Variants in ATP6V0B observed in about 807,000 individuals in gnomAD.
ATP6V0B encodes the protein ATPase H+ transporting V0 subunit b, also known as V-type proton ATPase 21 kDa proteolipid subunit c''.
A neutral mutation model predicts 26.2 loss-of-function variants in ATP6V0B; 4 were observed. The observed-to-expected ratio is 0.15, with a 90% CI of 0.08 to 0.35. The LOEUF (loss-of-function observed/expected upper bound fraction) is 0.35. ATP6V0B is among the 10% of genes least tolerant of loss of function. The pLI is 1.00. For synonymous variants in ATP6V0B, 110 were observed against 105.8 expected (o/e 1.04, Z -0.24); for missense variants, 175 against 272.5 (o/e 0.64, Z 2.52).
In ATP6V0B at chr1:43,977,120, C is replaced by A. The variant is rs753521853; in HGVS notation, c.495C>A (p.Ala165=). 2.5e-6 allele frequency: 4 copies of A among 1,614,206 alleles called. No individual in the cohort carries two copies. The East Asian group carries it at 8.9e-5, about 36-fold the overall frequency. ...TCGTGGGCAGTGGGGCTGCCCTGGC[C>A]GATGCTCAGAACCCCAGCCTCTTTG... ...VGIVGSGAAL[A]DAQNPSLFVK... Residue 165 remains alanine, a synonymous_variant, in exon 7 of 8, where the codon GCC becomes GCA. Coordinates refer to ENST00000472174, the MANE Select transcript of ATP6V0B (RefSeq NM_004047.5).
At chr1:43,977,644 A>G (rs1340981277) in intron 7 of ATP6V0B, 10 of 1,420,252 alleles carry the variant, frequency 7.0e-6, no homozygotes, top group Middle Eastern at 2.6e-4. Flanking sequence ...GTAGGACACC[A>G]TTGTCTAAAT....
rs904839223 is a variant in ATP6V0B at position 43,976,504 on chromosome 1, C to T, written c.279-86C>T. ...ATGGGATGTTATAGGGGAAAGATTGCTGGGGACTTACTGGGCAGGAAGGAC... is the reference window on the plus strand; with the variant it reads ...ATGGGATGTTATAGGGGAAAGATTGTTGGGGACTTACTGGGCAGGAAGGAC... On this transcript the variant is annotated intron_variant, in intron 4 of 7. Coordinates refer to ENST00000472174, the MANE Select transcript of ATP6V0B (RefSeq NM_004047.5). This position sits in a 1 kb window ranked among gnomAD's most constrained non-coding sequence, Gnocchi z 4.6. 11 of 1,561,794 alleles carry T rather than the reference C, an allele frequency of 7.0e-6. No homozygotes were observed. The highest frequency in any genetic ancestry group is 9.7e-6 in the Non-Finnish European group (11 of 1,134,702).
Position 43,976,648 on chromosome 1 carries a change from A to C in ATP6V0B, c.337A>C (p.Asn113His). 6.2e-7 allele frequency: 1 copy of C among 1,614,232 alleles called. No homozygotes were observed. ...CATCATCATGGCAATTGTCATTAGC[A>C]ACATGGCTGAGGTATGGAAGGCCAG... is the stretch of plus-strand genomic sequence containing the variant. ...YGIIMAIVIS[N>H]MAEPFSATDP... Residue 113 changes from asparagine (N) to histidine (H), a missense_variant, in exon 5 of 8, where the codon AAC becomes CAC. Coordinates refer to ENST00000472174, the MANE Select transcript of ATP6V0B (RefSeq NM_004047.5). This position sits in a 1 kb window ranked among gnomAD's most constrained non-coding sequence, Gnocchi z 4.6.
rs374412777 is a variant in ATP6V0B, at chr1:43,977,004, G to C, written c.401-22G>C. The C allele has an allele frequency of 6.9e-6, 11 of 1,600,762 alleles. No individual in the cohort carries two copies. The African/African-American group carries it at 1.5e-4, about 21-fold the overall frequency. On this transcript the variant is annotated intron_variant, in intron 6 of 7. Transcript: ENST00000472174. ...CCCCCATTCCTGGCTTAGCCTCACTGCACCCCTCTCTATCCTCCCAGGCTA... is the reference window on the plus strand; with the variant it reads ...CCCCCATTCCTGGCTTAGCCTCACTCCACCCCTCTCTATCCTCCCAGGCTA...
intron 7 of ATP6V0B, 199 bp downstream of exon 7, chr1:43,977,415 C>A: frequency 6.8e-7 from 1 of 1,480,736 alleles, no homozygotes; most frequent in Admixed American, 2.4e-5. Context: ...TCACTGACAA[C>A]AGCCCTGTTC....
At position 43,976,850 on chromosome 1, in the gene ATP6V0B, A is replaced by AGGTGC; in HGVS notation, c.400+26_400+27insGGTGC. ...GTGGGTGGATGGGCGTATGAATGCA[A>AGGTGC]AATGCTGGGACTTCATGCCTGCTTC... On this transcript the variant is annotated intron_variant, in intron 6 of 7. Coordinates refer to ENST00000472174, the MANE Select transcript of ATP6V0B (RefSeq NM_004047.5). This position sits in a 1 kb window ranked among gnomAD's most constrained non-coding sequence, Gnocchi z 4.6. The AGGTGC allele has an allele frequency of 1.2e-6, 2 of 1,613,064 alleles. No individual in the cohort carries two copies. Among genetic ancestry groups the AGGTGC allele is most frequent in the Non-Finnish European group, 1.7e-6 (2 of 1,179,114 alleles).
At position 43,978,189 on chromosome 1, in the gene ATP6V0B, A is replaced by G. The variant is rs14785; in HGVS notation, c.*182A>G. 1.2e-6 allele frequency: 1 copy of G among 820,230 alleles called. No individual in the cohort carries two copies. The highest frequency in any genetic ancestry group is 1.7e-5 in the African/African-American group (1 of 58,892). The allele number at this position is 820,230 out of a possible 1,614,324, so 50.8% of individuals were successfully genotyped here. On this transcript the variant is annotated 3_prime_UTR_variant, in exon 8 of 8. Transcript: ENST00000472174. ...AGGCCGAGTCCTCAGTGCGGGGAGC[A>G]GGCTGCTGCTGCTGACTCTGTGCAG...
Position 43,976,728 on chromosome 1 carries a change from G to A in ATP6V0B, c.349-45G>A, listed in dbSNP as rs759132891. On this transcript the variant is annotated intron_variant, in intron 5 of 7. Transcript: ENST00000472174. The surrounding 1 kb of genome is among the most constrained non-coding windows in gnomAD (Gnocchi z 4.6). ...TCTACACATTCCTTAGAGATTGGAT[G>A]GGGTGCATCAGGATGGTTTCTGATT... 19 of 1,613,580 alleles carry A rather than the reference G, an allele frequency of 1.2e-5. No individual in the cohort carries two copies. Among genetic ancestry groups the A allele is most frequent in the Middle Eastern group, 1.6e-4 (1 of 6,084 alleles).
intron 1 of ATP6V0B, chr1:43,975,426 G>C (rs2085507037): frequency 3.7e-6 from 2 of 546,450 alleles, no homozygotes; most frequent in Non-Finnish European, 6.5e-6. Flanking sequence ...GTCACAAGCC[G>C]GCTGCTCCGG....
intron 1 of ATP6V0B, 166 bp downstream of exon 1, chr1:43,975,273 C>A: frequency 1.2e-6 from 1 of 852,262 alleles, no homozygotes; most frequent in Non-Finnish European, 1.8e-6. Context: ...AAAGGAGACC[C>A]GGATTTCCAG....
rs2085545601 is a variant in ATP6V0B at position 43,978,089 on chromosome 1, T to C, written c.*82T>C. On this transcript the variant is annotated 3_prime_UTR_variant, in exon 8 of 8. Coordinates refer to ENST00000472174, the MANE Select transcript of ATP6V0B (RefSeq NM_004047.5). Reference sequence around the variant, plus strand: ...ACAGCTGGAGCTGTGTCCCTTAGCCTTTCAGAGGCTTGGTGTTCAGGGCCC... The same window carrying C: ...ACAGCTGGAGCTGTGTCCCTTAGCCCTTCAGAGGCTTGGTGTTCAGGGCCC... The C allele has an allele frequency of 8.8e-6, 14 of 1,595,938 alleles. No individual in the cohort carries two copies. Among genetic ancestry groups the C allele is most frequent in the Non-Finnish European group, 1.2e-5 (14 of 1,164,048 alleles).
intron 7 of ATP6V0B, 200 bp from the exon 8 acceptor site, chr1:43,977,781 C>T: frequency 1.3e-6 from 2 of 1,495,972 alleles, no homozygotes; most frequent in Non-Finnish European, 1.8e-6. Flanking sequence ...TATGCCACTT[C>T]TCTCCGTCTG....
In ATP6V0B at chr1:43,976,587, C is replaced by T. The variant is rs1179799729; in HGVS notation, c.279-3C>T. ...CCTTACCCCTAATCTCTACCACTAC[C>T]AGCATCATCTTCTGTGAGGCTGTGG... On this transcript the variant is annotated splice_region_variant and splice_polypyrimidine_tract_variant and intron_variant, in intron 4 of 7. Transcript: ENST00000472174. The surrounding 1 kb of genome is among the most constrained non-coding windows in gnomAD (Gnocchi z 4.6). 6.2e-7 allele frequency: 1 copy of T among 1,614,076 alleles called. No individual in the cohort carries two copies. The highest frequency in any genetic ancestry group is 1.1e-5 in the South Asian group (1 of 91,052).
chr1:43,977,725 CTG>C, intron 7 of ATP6V0B: 9 of 1,439,580 alleles, frequency 6.3e-6, no homozygotes, highest in Non-Finnish European at 8.2e-6. Flanking sequence ...CTGAGTGTGA[CTG>C]TGGGTGCTTG....
chr1:43,977,874 TTGTGGTC>T, intron 7 of ATP6V0B, 100 bp from the exon 8 acceptor site: 1 of 1,612,520 alleles, frequency 6.2e-7, no homozygotes, highest in Non-Finnish European at 8.5e-7. Flanking sequence ...CATATATCTC[TTGTGGTC>T]TGTCCATCCA....
chr1:43,976,151 C>T lies in ATP6V0B; in HGVS notation c.178C>T (p.Leu60=), dbSNP rs752830314. ...CCTGGGCATTGGCCTAGCTATCTCC[C>T]TGTCTGTGGTTGGGGCAGCCTGGTG... The part of the protein sequence containing the change: ...SNLGIGLAIS[L]SVVGAAWGIY... The change falls in exon 3 of 8, where the codon CTG becomes TTG. Residue 60 remains leucine, a synonymous_variant. Coordinates refer to ENST00000472174, the MANE Select transcript of ATP6V0B (RefSeq NM_004047.5). The surrounding 1 kb of genome is among the most constrained non-coding windows in gnomAD (Gnocchi z 4.6). 2.5e-6 allele frequency: 4 copies of T among 1,614,072 alleles called. No individual in the cohort carries two copies. The highest frequency in any genetic ancestry group is 1.3e-5 in the African/African-American group (1 of 75,012).
At chr1:43,977,587 T>G in intron 7 of ATP6V0B, 1 of 1,421,622 alleles carries the variant, frequency 7.0e-7, no homozygotes, top group Non-Finnish European at 9.1e-7. Flanking sequence ...ATGGTGTGTT[T>G]GACTGTCTCT....
At position 43,975,803 on chromosome 1, in the gene ATP6V0B, T is replaced by G. The variant is rs1354933070; in HGVS notation, c.71T>G (p.Val24Gly). Residue 24 changes from valine to glycine, a missense_variant, in exon 2 of 8, where the codon GTC (valine) becomes GGC (glycine). Around this residue, in one of 3 missense-constraint regions of ATP6V0B, gnomAD observed 75 missense variants for 94.7 expected, o/e 0.79. Coordinates refer to ENST00000472174, the MANE Select transcript of ATP6V0B (RefSeq NM_004047.5). ...AFWACALAVGVCYTIFDLGFR... is the reference protein window; with the variant it reads ...AFWACALAVGGCYTIFDLGFR... ...TTTTTCTCCCTCACTGCTGCAGGAG[T>G]CTGCTACACCATTTTTGATTTGGGC... The G allele has an allele frequency of 6.3e-7, 1 of 1,597,090 alleles. No individual in the cohort carries two copies. Among genetic ancestry groups the G allele is most frequent in the Non-Finnish European group, 8.5e-7 (1 of 1,170,348 alleles).
Position 43,976,432 on chromosome 1 carries a change from C to G in ATP6V0B, c.278+53C>G, listed in dbSNP as rs2085520825. 5.1e-6 allele frequency: 8 copies of G among 1,564,704 alleles called. No homozygotes were observed. Among genetic ancestry groups the G allele is most frequent in the Non-Finnish European group, 6.1e-6 (7 of 1,142,886 alleles). On this transcript the variant is annotated intron_variant, in intron 4 of 7. Coordinates refer to ENST00000472174, the MANE Select transcript of ATP6V0B (RefSeq NM_004047.5). The surrounding 1 kb of genome is among the most constrained non-coding windows in gnomAD (Gnocchi z 4.6). Reference sequence around the variant, plus strand: ...TCAGAACCAGCTGTGTTGGCGCTGCCTGTGTGTTTGATCTGACATACTGTT... The same window carrying G: ...TCAGAACCAGCTGTGTTGGCGCTGCGTGTGTGTTTGATCTGACATACTGTT...
Sources: gnomAD v4.1 joint callset for allele counts on GRCh38, gnomAD v4.1.1 for gene constraint, gnomAD v4.1.1 regional missense constraint, Gnocchi (gnomAD v3.1) non-coding constraint, MANE v1.5 for transcripts, NCBI Gene and HGNC (gene_info 2026-07-23, HGNC 2026-07-21) for gene names.